Variants in MINDY4 observed in about 807,000 individuals in gnomAD.
The protein encoded by MINDY4 is probable ubiquitin carboxyl-terminal hydrolase MINDY-4.
MINDY4 carries 68 observed loss-of-function variants against 87.0 expected under a neutral mutation model. The ratio of observed to expected loss-of-function variants is 0.78; its 90% CI spans 0.64 to 0.96. The LOEUF is 0.96. MINDY4 is among the 40% of genes least tolerant of loss of function. The pLI is 0.00. For synonymous variants in MINDY4, 379 were observed against 363.2 expected (o/e 1.04, Z -0.50); for missense variants, 919 against 928.2 (o/e 0.99, Z 0.13).
chr7:30,829,402 G>A (rs923083914), intron 6 of MINDY4, among the ~76,000 whole-genome samples: 3 of 152,226 alleles, frequency 2.0e-5, no homozygotes, highest in African/African-American at 7.2e-5. Flanking sequence ...GAGAGGATGA[G>A]GCTTGAGTGC....
chr7:30,775,229 G>C (rs933059487), intron 1 of MINDY4, among the ~76,000 whole-genome samples: 1 of 152,158 alleles, frequency 6.6e-6, no homozygotes. Flanking sequence ...TCAGATGCTA[G>C]TCAGAAGTCC....
intron 9 of MINDY4, among the ~76,000 whole-genome samples, chr7:30,842,274 C>T (rs1372886300): frequency 2.0e-5 from 3 of 152,204 alleles, no homozygotes; most frequent in Non-Finnish European, 4.4e-5. Flanking sequence ...TCCTTCGTGG[C>T]TCTTGTCTGT....
chr7:30,830,256 T>C (rs1788658963), intron 6 of MINDY4, among the ~76,000 whole-genome samples: 1 of 152,170 alleles, frequency 6.6e-6, no homozygotes, highest in African/African-American at 2.4e-5. Context: ...AAAGGTGGCC[T>C]TGCCTTTTTG....
intron 1 of MINDY4, among the ~76,000 whole-genome samples, chr7:30,776,967 A>ATTTCTTTTCTTTTCTTTTT: frequency 6.7e-6 from 1 of 149,842 alleles, no homozygotes; most frequent in South Asian, 2.1e-4. Flanking sequence ...CCCCAATGGT[A>ATTTCTTTTCTTTTCTTTTT]TTTCTTTTCT....
At chr7:30,876,634 T>G (rs1159322708) in intron 15 of MINDY4, among the ~76,000 whole-genome samples, 1 of 152,188 alleles carries the variant, frequency 6.6e-6, no homozygotes, top group Non-Finnish European at 1.5e-5. Flanking sequence ...GGACCCTGCC[T>G]TCTTGTTCCA....
intron 13 of MINDY4, among the ~76,000 whole-genome samples, chr7:30,870,955 C>T (rs962396590): frequency 6.7e-6 from 1 of 149,834 alleles, no homozygotes; most frequent in African/African-American, 2.5e-5. Context: ...GTGTGCCTCC[C>T]AGAGTCAAGT....
At chr7:30,824,370 C>G (rs1004607919) in intron 5 of MINDY4, among the ~76,000 whole-genome samples, 1 of 152,216 alleles carries the variant, frequency 6.6e-6, no homozygotes, top group Non-Finnish European at 1.5e-5. Flanking sequence ...GCACTCATGA[C>G]TCAATCATCT....
In MINDY4 at chr7:30,836,754, C is replaced by G. The variant is rs201335083; in HGVS notation, c.1229C>G (p.Ser410Ter). 67 of 1,613,454 alleles carry G rather than the reference C, an allele frequency of 4.2e-5. No individual in the cohort carries two copies. Among genetic ancestry groups the G allele is most frequent in the Non-Finnish European group, 5.6e-5 (66 of 1,179,506 alleles). ...ACAGCATCAAAACCAATTGACCTCT[C>G]AGTAGCAAAGGTAAGTGTAAGGAGA... Reference protein sequence around the residue: ...LQTASKPIDLSVAKEIKTLLF... With the variant: ...LQTASKPIDL Residue 410 changes from serine to a stop codon, truncating the protein, a stop_gained, in exon 7 of 18, where the codon TCA becomes TGA. Transcript: ENST00000265299. LOFTEE classifies it high-confidence loss of function.
At chr7:30,858,993 T>G in intron 12 of MINDY4, 71 of 691,412 alleles carry the variant, frequency 1.0e-4, no homozygotes, top group East Asian at 1.7e-4. Flanking sequence ...TGCTGTCTTG[T>G]GAGTTTTGAG....
At chr7:30,781,549 C>A (rs771051640) in intron 2 of MINDY4, 4 of 165,238 alleles carry the variant, frequency 2.4e-5, no homozygotes, top group Non-Finnish European at 3.9e-5. Context: ...GCAGAGCTTA[C>A]AAGCTAAAAA....
At chr7:30,809,280 AGC>A (rs1787911975) in intron 5 of MINDY4, among the ~76,000 whole-genome samples, 1 of 151,226 alleles carries the variant, frequency 6.6e-6, no homozygotes, top group Admixed American at 6.6e-5. Flanking sequence ...TTCAATCTGT[AGC>A]GGCAACTGCT....
intron 4 of MINDY4, among the ~76,000 whole-genome samples, chr7:30,790,100 G>A (rs911705537): frequency 3.9e-5 from 6 of 152,192 alleles, no homozygotes; most frequent in Non-Finnish European, 8.8e-5. Flanking sequence ...GCTGCAATAC[G>A]TCTGGCTCTG....
rs554523845 is a variant in MINDY4, at chr7:30,787,389, T to G, written c.663+1397T>G. Among the ~76,000 whole-genome samples, 7 of 152,298 alleles carry G rather than the reference T, an allele frequency of 4.6e-5. No homozygotes were observed. The South Asian group carries it at 8.3e-4, about 18-fold the overall frequency. On this transcript the variant is annotated intron_variant, in intron 4 of 17. Transcript: ENST00000265299. The stretch of plus-strand genomic sequence containing the variant: ...AACAGTTTGGAGGAAATTAAAAGAT[T>G]TGGAGATGTTTAATCTTGTGGGAGG...
intron 17 of MINDY4, among the ~76,000 whole-genome samples, chr7:30,886,802 T>TTTTGTGTC (rs1768035188): frequency 6.6e-6 from 1 of 152,222 alleles, no homozygotes; most frequent in African/African-American, 2.4e-5. Context: ...AGTCTCCTGT[T>TTTTGTGTC]ACCTTTGCTT....
chr7:30,862,538 C>T (rs1031220120), intron 13 of MINDY4, among the ~76,000 whole-genome samples: 9 of 152,202 alleles, frequency 5.9e-5, no homozygotes, highest in South Asian at 2.1e-4. Context: ...TGCGGTGATT[C>T]GCAGGGCAAT....
intron 12 of MINDY4, chr7:30,858,827 G>GCTGTGTGGC: frequency 1.1e-5 from 4 of 368,670 alleles, no homozygotes; most frequent in South Asian, 8.2e-5. Flanking sequence ...CTGCTGACAA[G>GCTGTGTGGC]CTGTGTGGCC....
At chr7:30,771,922 T>C (rs867777987) in intron 1 of MINDY4, among the ~76,000 whole-genome samples, 2 of 152,200 alleles carry the variant, frequency 1.3e-5, no homozygotes, top group Non-Finnish European at 2.9e-5. Flanking sequence ...CCGGCCTCCG[T>C]GCGCTACCCA....
chr7:30,890,458 T>G (rs1222272553), intron 17 of MINDY4, among the ~76,000 whole-genome samples: 1 of 152,214 alleles, frequency 6.6e-6, no homozygotes, highest in Non-Finnish European at 1.5e-5. Context: ...CACCAAACCT[T>G]TCTATAGGAG....
chr7:30,791,230 A>G lies in MINDY4; in HGVS notation c.729A>G (p.Glu243=). The change falls in exon 5 of 18, where the codon GAA becomes GAG. Residue 243 remains glutamate (E), a synonymous_variant. Transcript: ENST00000265299. ...CAAGCAGCTCCACCCAACCCCAAGA[A>G]GAGAGCCGGAAGGTCCCTGAGCTCT... The part of the protein sequence containing the change: ...SPSSSSTQPQ[E]ESRKVPELFV... 1 of 1,614,118 alleles carries G rather than the reference A, an allele frequency of 6.2e-7. No individual in the cohort carries two copies. The highest frequency in any genetic ancestry group is 1.1e-5 in the South Asian group (1 of 91,070).
Sources: allele counts gnomAD v4.1 joint callset (sites outside exome capture counted in the v4.1 genomes callset), GRCh38; gene constraint gnomAD v4.1.1; transcripts MANE v1.5; gene names NCBI Gene and HGNC (gene_info 2026-07-23, HGNC 2026-07-21).